CPQ: variants seen among roughly 807,000 people sequenced by gnomAD.
The protein encoded by CPQ is carboxypeptidase Q, also known as Ser-Met dipeptidase.
CPQ carries 37 observed loss-of-function variants against 45.7 expected under a neutral mutation model. That is an observed-to-expected ratio of 0.81 (90% CI 0.62 to 1.07). CPQ has a LOEUF of 1.07. CPQ is among the 50% of genes least tolerant of loss of function. The pLI, the probability that CPQ is intolerant of heterozygous loss-of-function variation, is 0.00. For synonymous variants in CPQ, 186 were observed against 205.8 expected (o/e 0.90, Z 0.82); for missense variants, 537 against 572.9 (o/e 0.94, Z 0.64).
At chr8:96,650,864 C>T (rs1289697160) in intron 1 of CPQ, among the ~76,000 whole-genome samples, 2 of 152,122 alleles carry the variant, frequency 1.3e-5, no homozygotes, top group Non-Finnish European at 2.9e-5. Context: ...TAGGGGAGTC[C>T]ACAATATCCA....
chr8:96,786,426 G>T (rs1021326675), intron 2 of CPQ, among the ~76,000 whole-genome samples: 1 of 151,982 alleles, frequency 6.6e-6, no homozygotes. Context: ...CCATGCATCA[G>T]TTGATGGACA....
chr8:96,853,851 T>A (rs966463350), intron 3 of CPQ, among the ~76,000 whole-genome samples: 1 of 152,172 alleles, frequency 6.6e-6, no homozygotes, highest in Admixed American at 6.5e-5. Flanking sequence ...CCCATAGTCA[T>A]GGCAAAACCA....
At chr8:96,657,205 C>T (rs971480452) in intron 1 of CPQ, among the ~76,000 whole-genome samples, 10 of 151,960 alleles carry the variant, frequency 6.6e-5, no homozygotes, top group East Asian at 1.9e-4. Flanking sequence ...ATTAGCTGGA[C>T]GTGGTGGTGT....
chr8:96,930,889 G>T (rs916115362), intron 4 of CPQ, among the ~76,000 whole-genome samples: 1 of 152,310 alleles, frequency 6.6e-6, no homozygotes, highest in Non-Finnish European at 1.5e-5. Flanking sequence ...CATTTATGGG[G>T]CAAAGACAGA....
intron 2 of CPQ, among the ~76,000 whole-genome samples, chr8:96,804,214 T>C (rs1216663025): frequency 6.6e-6 from 1 of 152,032 alleles, no homozygotes; most frequent in Non-Finnish European, 1.5e-5. Flanking sequence ...GAGAAATAAG[T>C]GGATGGTGCT....
intron 1 of CPQ, among the ~76,000 whole-genome samples, chr8:96,683,608 A>G (rs967763378): frequency 6.6e-6 from 1 of 152,074 alleles, no homozygotes; most frequent in Non-Finnish European, 1.5e-5. Flanking sequence ...TCTGTTAAAC[A>G]GGTTTTCTAT....
chr8:96,706,807 A>T (rs1004511759), intron 1 of CPQ, among the ~76,000 whole-genome samples: 1 of 152,038 alleles, frequency 6.6e-6, no homozygotes, highest in African/African-American at 2.4e-5. Flanking sequence ...GTCTTTCCAC[A>T]TTTTTTTGCA....
chr8:96,682,408 G>T (rs991317962), intron 1 of CPQ, among the ~76,000 whole-genome samples: 1 of 152,206 alleles, frequency 6.6e-6, no homozygotes, highest in East Asian at 1.9e-4. Context: ...CACGTAAAAC[G>T]TGACTTGCTT....
rs372241683 is a variant in CPQ at position 96,737,355 on chromosome 8, GAT to G, written c.-34-47496_-34-47495del. Among the ~76,000 whole-genome samples the G allele has an allele frequency of 1.4e-3, 169 of 117,998 alleles. 6 individuals carry two copies. The highest frequency in any genetic ancestry group is 5.0e-3 in the African/African-American group (152 of 30,126). 77.4% of individuals were successfully genotyped at this position (117,998 alleles called of 152,430 possible). On this transcript the variant is annotated intron_variant, in intron 1 of 7. Transcript: ENST00000220763. ...ACACACTCACACAGAACTAATAGGA[GAT>G]ATATATATATATGAGTTTATTAAGT...
At chr8:96,927,047 C>T (rs1008555060) in intron 4 of CPQ, among the ~76,000 whole-genome samples, 6 of 152,204 alleles carry the variant, frequency 3.9e-5, no homozygotes, top group Non-Finnish European at 5.9e-5. Context: ...GGTAGCAGAG[C>T]GATGACTATT....
chr8:96,685,114 C>CAAACAACAAAAAAACAAA (rs1554614005), intron 1 of CPQ, among the ~76,000 whole-genome samples: 10 of 144,640 alleles, frequency 6.9e-5, no homozygotes, highest in East Asian at 2.0e-4. Flanking sequence ...CAAAAACAAA[C>CAAACAACAAAAAAACAAA]AAACAACAAA....
chr8:96,949,014 C>G (rs1245365458), intron 4 of CPQ, among the ~76,000 whole-genome samples: 1 of 152,064 alleles, frequency 6.6e-6, no homozygotes, highest in Non-Finnish European at 1.5e-5. Flanking sequence ...CCTTCACTTT[C>G]ACCCTGTATG....
At chr8:96,776,130 T>C (rs1422819997) in intron 1 of CPQ, among the ~76,000 whole-genome samples, 2 of 152,190 alleles carry the variant, frequency 1.3e-5, no homozygotes, top group Non-Finnish European at 1.5e-5. Flanking sequence ...ATGTAAGCTA[T>C]GGGAAATGGA....
At chr8:96,656,428 TTG>T (rs1412514313) in intron 1 of CPQ, among the ~76,000 whole-genome samples, 1 of 152,154 alleles carries the variant, frequency 6.6e-6, no homozygotes, top group African/African-American at 2.4e-5. Context: ...TACTACTTTT[TTG>T]GTTCAACAGT....
chr8:96,737,336 TC>T (rs1809998501), intron 1 of CPQ, among the ~76,000 whole-genome samples: 1 of 129,834 alleles, frequency 7.7e-6, no homozygotes, highest in African/African-American at 3.0e-5. Context: ...ATACACACAC[TC>T]ACACAGAACT....
At chr8:97,123,148 T>TAAACA (rs1229891722) in intron 7 of CPQ, among the ~76,000 whole-genome samples, 1 of 20,622 alleles carries the variant, frequency 4.8e-5, no homozygotes, top group Non-Finnish European at 8.9e-5. Context: ...TAAAATAAAA[T>TAAACA]AAATAAAATA....
chr8:96,992,323 T>C (rs1048228219), intron 5 of CPQ, among the ~76,000 whole-genome samples: 4 of 152,212 alleles, frequency 2.6e-5, no homozygotes, highest in Non-Finnish European at 5.9e-5. Flanking sequence ...AGGTTGGCTC[T>C]TAAGGACTGA....
At chr8:96,726,357 G>A (rs187595956) in intron 1 of CPQ, among the ~76,000 whole-genome samples, 35 of 152,174 alleles carry the variant, frequency 2.3e-4, no homozygotes, top group Non-Finnish European at 4.6e-4. Context: ...GTCTATTCTT[G>A]CATTGCTATA....
chr8:97,023,719 T>C (rs1809748858), intron 5 of CPQ, among the ~76,000 whole-genome samples: 1 of 152,176 alleles, frequency 6.6e-6, no homozygotes, highest in African/African-American at 2.4e-5. Context: ...TTATCACATC[T>C]CTTTAATCTT....
Sources: gnomAD v4.1 joint callset for allele counts (sites outside exome capture counted in the v4.1 genomes callset) on GRCh38, gnomAD v4.1.1 for gene constraint, MANE v1.5 for transcripts, NCBI Gene and HGNC (gene_info 2026-07-23, HGNC 2026-07-21) for gene names.